The following GRK3 variants were observed in gnomAD, a reference collection of about 807,000 sequenced individuals.
GRK3 encodes G protein-coupled receptor kinase 3.
In GRK3, 54 loss-of-function variants were observed where a neutral mutation model predicts 95.7. The observed-to-expected ratio is 0.56, with a 90% CI of 0.45 to 0.71. The LOEUF is 0.71. Among genes scored for constraint, GRK3 ranks in the 30% least tolerant of loss-of-function variants. The pLI, the probability that GRK3 is intolerant of heterozygous loss-of-function variation, is 0.00. For missense variants in GRK3, 649 were observed against 851.2 expected (o/e 0.76, Z 2.96); for synonymous variants, 281 against 290.8 (o/e 0.97, Z 0.34).
chr22:25,650,873 A>G (rs1457685622), intron 3 of GRK3, among the ~76,000 whole-genome samples: 1 of 152,176 alleles, frequency 6.6e-6, no homozygotes, highest in Non-Finnish European at 1.5e-5. Context: ...TTTTCAAATC[A>G]TGTTTGAATC....
At chr22:25,585,171 G>A (rs1407988807) in intron 1 of GRK3, among the ~76,000 whole-genome samples, 16 of 152,282 alleles carry the variant, frequency 1.1e-4, no homozygotes, top group East Asian at 1.9e-4. Context: ...GCCAAGCCTC[G>A]TGTTATGGGT....
intron 1 of GRK3, among the ~76,000 whole-genome samples, chr22:25,584,685 A>C (rs1261853269): frequency 6.6e-6 from 1 of 152,284 alleles, no homozygotes; most frequent in Non-Finnish European, 1.5e-5. Flanking sequence ...CTAACTGATA[A>C]ATTTAACTTT....
intron 3 of GRK3, chr22:25,648,834 A>G: frequency 8.8e-7 from 1 of 1,132,676 alleles, no homozygotes; most frequent in South Asian, 1.2e-5. Context: ...TCTTCTGTGC[A>G]AAATAGCAGA....
At chr22:25,709,822 C>T in intron 15 of GRK3, 76 bp from the exon 16 acceptor site, 4 of 1,078,794 alleles carry the variant, frequency 3.7e-6, no homozygotes, top group Non-Finnish European at 2.8e-6. Context: ...GTATTGTTAA[C>T]AGGAGACAGT....
At chr22:25,681,703 C>T (rs1039440568) in intron 9 of GRK3, among the ~76,000 whole-genome samples, 4 of 152,282 alleles carry the variant, frequency 2.6e-5, no homozygotes, top group Admixed American at 6.5e-5. Flanking sequence ...TCTTCAACAA[C>T]GACTTCATGG....
chr22:25,592,026 A>G (rs1601458406), intron 1 of GRK3, among the ~76,000 whole-genome samples: 2 of 152,228 alleles, frequency 1.3e-5, no homozygotes, highest in East Asian at 3.8e-4. Context: ...ATCAAATGGT[A>G]GGTGTAGTTT....
chr22:25,572,756 G>C (rs1390601616), intron 1 of GRK3, among the ~76,000 whole-genome samples: 1 of 152,178 alleles, frequency 6.6e-6, no homozygotes, highest in Admixed American at 6.5e-5. Flanking sequence ...AGAGGTTTTT[G>C]TTTCAGAAAA....
intron 2 of GRK3, among the ~76,000 whole-genome samples, chr22:25,626,218 C>T (rs575536856): frequency 1.4e-4 from 22 of 152,146 alleles, no homozygotes; most frequent in Non-Finnish European, 2.8e-4. Context: ...CGTGAGCCAC[C>T]GCGCCAGGCC....
chr22:25,698,828 G>A (rs565134590), intron 13 of GRK3, among the ~76,000 whole-genome samples: 13 of 152,266 alleles, frequency 8.5e-5, no homozygotes, highest in African/African-American at 3.1e-4. Flanking sequence ...AGCAGCCCTG[G>A]AACCTGACAG....
chr22:25,573,543 C>T (rs1931780347), intron 1 of GRK3, among the ~76,000 whole-genome samples: 1 of 152,072 alleles, frequency 6.6e-6, no homozygotes, highest in African/African-American at 2.4e-5. Context: ...CAATTATGGA[C>T]TAAAATATTT....
Position 25,564,981 on chromosome 22 carries a change from G to T in GRK3, c.-60G>T, listed in dbSNP as rs1359438938. ...TCGGGGCGCGGCGGGCGGCGGCGGC[G>T]GGCGCGCGTCCCGTCCAGGTCCGGA... On this transcript the variant is annotated 5_prime_UTR_variant, in exon 1 of 21. Coordinates refer to ENST00000324198, the MANE Select transcript of GRK3 (RefSeq NM_005160.4). The T allele has an allele frequency of 2.7e-5, 13 of 487,470 alleles. No homozygotes were observed. Among genetic ancestry groups the T allele is most frequent in the African/African-American group, 1.7e-4 (8 of 46,370 alleles). The allele number at this position is 487,470 out of a possible 1,614,324, so 30.2% of individuals were successfully genotyped here.
intron 2 of GRK3, among the ~76,000 whole-genome samples, chr22:25,638,179 G>T (rs1450596340): frequency 1.3e-5 from 2 of 152,174 alleles, no homozygotes; most frequent in African/African-American, 2.4e-5. Context: ...GCGTACAATG[G>T]AAGATGCATT....
At chr22:25,574,440 T>C (rs1931817744) in intron 1 of GRK3, among the ~76,000 whole-genome samples, 1 of 152,192 alleles carries the variant, frequency 6.6e-6, no homozygotes, top group Non-Finnish European at 1.5e-5. Context: ...TGCAGTGAGC[T>C]GAAATCATGT....
intron 17 of GRK3, 32 bp downstream of exon 17, chr22:25,711,195 T>C (rs774637325): frequency 2.1e-6 from 3 of 1,433,178 alleles, no homozygotes; most frequent in Non-Finnish European, 2.9e-6. Flanking sequence ...TCTTTATTTT[T>C]ATTTTTGGAT....
chr22:25,573,488 A>G (rs16980490), intron 1 of GRK3, among the ~76,000 whole-genome samples: 6,702 of 152,290 alleles, frequency 0.044, 214 homozygotes, highest in African/African-American at 0.089. Flanking sequence ...AACAGCTGCC[A>G]TTGCTGACTG....
rs535121700 is a variant in GRK3 at position 25,666,849 on chromosome 22, C to G, written c.442-890C>G. Among the ~76,000 whole-genome samples, 49 of 152,156 alleles carry G rather than the reference C, an allele frequency of 3.2e-4. 1 individual carries two copies. The South Asian group carries it at 1.0e-2, about 31-fold the overall frequency. On this transcript the variant is annotated intron_variant, in intron 5 of 20. Transcript: ENST00000324198. ...GAGCTGAGGGTGCCAAAATGTTTCC[C>G]AAAACTATCTAATTGACTCTGGGCT...
At chr22:25,624,661 G>A (rs376686118) in intron 2 of GRK3, among the ~76,000 whole-genome samples, 33 of 152,214 alleles carry the variant, frequency 2.2e-4, no homozygotes, top group African/African-American at 7.5e-4. Flanking sequence ...TTCATTTGGC[G>A]CTTACTGTGG....
rs564614175 is a variant in GRK3 at position 25,725,906 on chromosome 22, G to T, written c.*3456G>T. ...AGAGCTTGCAGTGAGCCGAGATTGC[G>T]CCACTGCACTCCAGCCTGGGCGACA... On this transcript the variant is annotated 3_prime_UTR_variant, in exon 21 of 21. Transcript: ENST00000324198. 3.9e-6 allele frequency: 1 copy of T among 254,302 alleles called. No homozygotes were observed. Among genetic ancestry groups the T allele is most frequent in the Non-Finnish European group, 7.4e-6 (1 of 135,066 alleles). The allele number at this position is 254,302 out of a possible 1,614,324, so 15.8% of individuals were successfully genotyped here.
At chr22:25,678,020 G>A (rs1043599263) in intron 8 of GRK3, among the ~76,000 whole-genome samples, 4 of 152,098 alleles carry the variant, frequency 2.6e-5, no homozygotes, top group Admixed American at 6.5e-5. Context: ...TATTTAAAAC[G>A]TCATAACTTA....
Sources: gnomAD v4.1 joint callset for allele counts (sites outside exome capture counted in the v4.1 genomes callset) on GRCh38, gnomAD v4.1.1 for gene constraint, MANE v1.5 for transcripts, NCBI Gene and HGNC (gene_info 2026-07-23, HGNC 2026-07-21) for gene names.